PPP6R1: variants seen among roughly 807,000 people sequenced by gnomAD.
The protein encoded by PPP6R1 is protein phosphatase 6 regulatory subunit 1, also known as serine/threonine-protein phosphatase 6 regulatory subunit 1.
A neutral mutation model predicts 104.6 loss-of-function variants in PPP6R1; 39 were observed. That is an observed-to-expected ratio of 0.37 (90% confidence interval 0.29 to 0.49). PPP6R1 has a LOEUF of 0.49. Ranked by LOEUF, PPP6R1 falls within the 20% of genes least tolerant of loss-of-function variation. PPP6R1 has a pLI of 0.98. For missense variants in PPP6R1, 1,181 were observed against 1,155.8 expected, an observed-to-expected ratio of 1.02 and a Z score of -0.32; for synonymous variants, 549 against 479.0, an observed-to-expected ratio of 1.15 and a Z score of -1.91.
rs1281105536 is a variant in PPP6R1 at position 55,229,932 on chromosome 19, G to C, written c.*596C>G. The C allele has an allele frequency of 1.3e-5, 2 of 152,914 alleles. No homozygotes were observed. Among genetic ancestry groups the C allele is most frequent in the Non-Finnish European group, 2.9e-5 (2 of 68,258 alleles). 9.5% of individuals were successfully genotyped at this position (152,914 alleles called of 1,614,324 possible). ...TCAGACCCTCAAGGCCCCTGGGGCT[G>C]TTGCCGGGGAGGCCCCTGCTCCCCA... On this transcript the variant is annotated 3_prime_UTR_variant, in exon 24 of 24. Transcript: ENST00000412770.
chr19:55,233,492 G>A (rs1329682890), intron 17 of PPP6R1, among the ~76,000 whole-genome samples: 1 of 152,200 alleles, frequency 6.6e-6, no homozygotes, highest in African/African-American at 2.4e-5. Context: ...ATCCAGATTT[G>A]AAAGGAAGGA....
At chr19:55,250,834 C>A (rs1454692576) in intron 1 of PPP6R1, among the ~76,000 whole-genome samples, 3 of 152,130 alleles carry the variant, frequency 2.0e-5, no homozygotes, top group East Asian at 3.9e-4. Flanking sequence ...GCAGGCCCCC[C>A]ACACTCGACC....
In PPP6R1 at chr19:55,239,965, C is replaced by T. The variant is rs369838840; in HGVS notation, c.1477+34G>A. 1.2e-5 allele frequency: 19 copies of T among 1,611,296 alleles called. No homozygotes were observed. In the African/African-American group the frequency reaches 2.3e-4, roughly 19 times the overall value. On this transcript the variant is annotated intron_variant, in intron 12 of 23. Transcript: ENST00000412770. ...AGGCATCTCGGGGCTTCAAGCCCCC[C>T]ACCTAGCCCTCAGGCCGGCCTGGGG...
intron 1 of PPP6R1, chr19:55,247,347 C>T: frequency 1.8e-6 from 1 of 549,442 alleles, no homozygotes; most frequent in Non-Finnish European, 3.3e-6. Context: ...CTCGAGCCTG[C>T]CCCTCTTCCC....
rs376126042 is a variant in PPP6R1 at position 55,236,947 on chromosome 19, T to A, written c.1775A>T (p.Asn592Ile). 1 of 1,613,202 alleles carries A rather than the reference T, an allele frequency of 6.2e-7. No homozygotes were observed. Among genetic ancestry groups the A allele is most frequent in the Non-Finnish European group, 8.5e-7 (1 of 1,179,188 alleles). ...GTCAGCATTGAGGGAGAAGGTGATG[T>A]TGGCTGTCTTGTCAAAAGGTGCGCT... is the stretch of plus-strand genomic sequence containing the variant. ...SVNAPFDKTA[N>I]ITFSLNADDE... The change falls in exon 16 of 24, where the codon AAC (asparagine) becomes ATC (isoleucine). Residue 592 changes from asparagine to isoleucine, a missense_variant. By Grantham distance (149) the Asn-to-Ile change is moderately radical. Transcript: ENST00000412770.
intron 6 of PPP6R1, 39 bp downstream of exon 6, chr19:55,242,337 G>A: frequency 6.2e-7 from 1 of 1,612,290 alleles, no homozygotes; most frequent in Non-Finnish European, 8.5e-7. Context: ...GCTTCCCCAA[G>A]TCAGCTCCCC....
chr19:55,240,673 G>A (rs371734692), intron 10 of PPP6R1, among the ~76,000 whole-genome samples: 2 of 152,052 alleles, frequency 1.3e-5, no homozygotes, highest in South Asian at 2.1e-4. Flanking sequence ...ACACACGCAC[G>A]TGTGCGCACT....
Position 55,242,440 on chromosome 19 carries a change from G to A in PPP6R1, c.667C>T (p.Arg223Trp), listed in dbSNP as rs760185803. Residue 223 changes from arginine to tryptophan, a missense_variant, in exon 6 of 24, where the codon CGG becomes TGG. Arg to Trp is a moderately radical substitution (Grantham distance 101). Coordinates refer to ENST00000412770, the MANE Select transcript of PPP6R1 (RefSeq NM_014931.4). ...TCCTGGACTTGGATCATCTGCTCCC[G>A]GCTCAGGCGGATGATGTCACACAGG... ...QSLCDIIRLS[R>W]EQMIQVQDSP... is the part of the protein sequence containing the mutation. 1.3e-5 allele frequency: 21 copies of A among 1,613,870 alleles called. No individual in the cohort carries two copies. The highest frequency in any genetic ancestry group is 4.4e-5 in the South Asian group (4 of 91,088).
chr19:55,228,631 G>A, downstream of PPP6R1: 2 of 1,576,804 alleles, frequency 1.3e-6, no homozygotes, highest in Non-Finnish European at 1.7e-6. Flanking sequence ...AGACCCGCCG[G>A]CTGCTGGGGT....
At position 55,236,684 on chromosome 19, in the gene PPP6R1, C is replaced by G. The variant is rs2087401849; in HGVS notation, c.1947G>C (p.Gln649His). ...GGCCCAGACGGGCCCCCCTGGCCAG[C>G]TGGCTGCCCTGCCAGGCGCCATCTT... ...DGEDGAWQGS[Q>H]LARGARLGQP... Residue 649 changes from glutamine (Q) to histidine (H), a missense_variant, in exon 17 of 24, where the codon CAG becomes CAC. Physicochemically the swap from Gln to His is conservative, Grantham distance 24. This residue lies in a region of PPP6R1 where 1,042 missense variants were observed against 955.6 expected (regional missense o/e 1.09). Transcript: ENST00000412770. 1.2e-6 allele frequency: 2 copies of G among 1,603,762 alleles called. No individual in the cohort carries two copies. The highest frequency in any genetic ancestry group is 8.5e-7 in the Non-Finnish European group (1 of 1,175,228).
At chr19:55,240,867 T>G in intron 10 of PPP6R1, 78 bp downstream of exon 10, 2 of 1,518,244 alleles carry the variant, frequency 1.3e-6, no homozygotes, top group Non-Finnish European at 8.9e-7. Context: ...GAGGAAGGAG[T>G]GAGGGGTAGG....
Position 55,230,662 on chromosome 19 carries a change from G to A in PPP6R1, c.2593C>T (p.Pro865Ser), listed in dbSNP as rs746857169. The A allele has an allele frequency of 2.8e-5, 45 of 1,604,116 alleles. No individual in the cohort carries two copies. Among genetic ancestry groups the A allele is most frequent in the Non-Finnish European group, 3.5e-5 (41 of 1,175,664 alleles). The change falls in exon 23 of 24, where the codon CCG (proline) becomes TCG (serine). Residue 865 changes from proline to serine, a missense_variant. Pro to Ser is a moderately conservative substitution (Grantham distance 74). Transcript: ENST00000412770. The part of the protein sequence containing the change: ...SQSAQALTPP[P>S]IPNGSAPEGP... ...TCCGGGGCAGAGCCATTGGGTATCG[G>A]AGGAGGCGTGAGGGCCTGGGCACTG...
At chr19:55,240,918 G>C (rs753096203) in intron 10 of PPP6R1, 27 bp downstream of exon 10, 12 of 1,600,126 alleles carry the variant, frequency 7.5e-6, no homozygotes, top group African/African-American at 1.3e-5. Flanking sequence ...GGCCCAGAAG[G>C]AGGGGGACCA....
chr19:55,250,978 G>A (rs555029167), intron 1 of PPP6R1, among the ~76,000 whole-genome samples: 19 of 152,334 alleles, frequency 1.2e-4, no homozygotes, highest in African/African-American at 4.3e-4. Context: ...CCCTGGCCAA[G>A]CTGGCCTTCT....
rs1343546987 is a variant in PPP6R1 at position 55,229,848 on chromosome 19, C to T, written c.*680G>A. ...AGCTCGGCACAAACGCACGCACACT[C>T]ACACCAGCCTGGGAGGAGGGAGCTG... On this transcript the variant is annotated 3_prime_UTR_variant, in exon 24 of 24. Coordinates refer to ENST00000412770, the MANE Select transcript of PPP6R1 (RefSeq NM_014931.4). 1 of 153,770 alleles carries T rather than the reference C, an allele frequency of 6.5e-6. No individual in the cohort carries two copies. Among genetic ancestry groups the T allele is most frequent in the Admixed American group, 6.5e-5 (1 of 15,294 alleles). 9.5% of individuals were successfully genotyped at this position (153,770 alleles called of 1,614,324 possible).
In PPP6R1 at chr19:55,241,441, C is replaced by G; in HGVS notation, c.1008+36G>C. ...CCCAAGGGCTGCCCTTCCTGCTTCC[C>G]CCGCCTCCCCGAGGACCAGAACCCA... On this transcript the variant is annotated intron_variant, in intron 8 of 23. Coordinates refer to ENST00000412770, the MANE Select transcript of PPP6R1 (RefSeq NM_014931.4). The surrounding 1 kb of genome is among the most constrained non-coding windows in gnomAD (Gnocchi z 5.4). The G allele has an allele frequency of 6.3e-7, 1 of 1,596,084 alleles. No homozygotes were observed. Among genetic ancestry groups the G allele is most frequent in the Non-Finnish European group, 8.6e-7 (1 of 1,168,952 alleles).
In PPP6R1 at chr19:55,247,119, T is replaced by C. The variant is rs370321819; in HGVS notation, c.-6-10A>G. 96 of 1,610,404 alleles carry C rather than the reference T, an allele frequency of 6.0e-5. No homozygotes were observed. Among genetic ancestry groups the C allele is most frequent in the East Asian group, 3.3e-4 (15 of 44,850 alleles). Reference sequence around the variant, plus strand: ...TCCAAAACATGGCGCCCTGCAGGCATAGACACAACCAGCGCCGCGTCAGAC... The same window carrying C: ...TCCAAAACATGGCGCCCTGCAGGCACAGACACAACCAGCGCCGCGTCAGAC... On this transcript the variant is annotated splice_polypyrimidine_tract_variant and intron_variant, in intron 1 of 23. Transcript: ENST00000412770.
chr19:55,237,107 C>T (rs1280420123), intron 15 of PPP6R1, 137 bp from the exon 16 acceptor site: 2 of 868,050 alleles, frequency 2.3e-6, no homozygotes, highest in Admixed American at 4.1e-5. Context: ...AATTCACACA[C>T]AACCCGAACC....
chr19:55,231,339 C>T (rs1568942292), intron 21 of PPP6R1, 71 bp downstream of exon 21: 4 of 1,489,834 alleles, frequency 2.7e-6, no homozygotes, highest in Non-Finnish European at 2.7e-6. Flanking sequence ...ACAAGATGAA[C>T]CCAGAGCCCA....
Sources: allele counts gnomAD v4.1 joint callset (sites outside exome capture counted in the v4.1 genomes callset), GRCh38; gene constraint gnomAD v4.1.1; regional missense constraint gnomAD v4.1.1; non-coding constraint Gnocchi (gnomAD v3.1); transcripts MANE v1.5; gene names NCBI Gene and HGNC (gene_info 2026-07-23, HGNC 2026-07-21).